The following RTN1 variants were observed in gnomAD, a reference collection of about 807,000 sequenced individuals.
RTN1 encodes reticulon 1.
A neutral mutation model predicts 65.5 loss-of-function variants in RTN1; 25 were observed. The ratio of observed to expected loss-of-function variants is 0.38; its 90% confidence interval spans 0.28 to 0.53. The LOEUF (loss-of-function observed/expected upper bound fraction) is 0.53, where lower values mean the gene tolerates loss of function less well. Ranked by LOEUF, RTN1 falls within the 20% of genes least tolerant of loss-of-function variation. RTN1 has a pLI of 0.79. For synonymous variants in RTN1, 471 were observed against 447.6 expected, an observed-to-expected ratio of 1.05 and a Z score of -0.66; for missense variants, 983 against 1,025.4, an observed-to-expected ratio of 0.96 and a Z score of 0.57.
chr14:59,749,532 TCTATCTATATATATTTATATAG>T (rs1566712101), intron 1 of RTN1, among the ~76,000 whole-genome samples: 5 of 60,590 alleles, frequency 8.3e-5, no homozygotes, highest in African/African-American at 4.7e-4. Flanking sequence ...TTTATATATA[TCTATCTATATATATTTATATAG>T]ATATCTATAT....
chr14:59,802,963 A>G (rs995627340), intron 1 of RTN1, among the ~76,000 whole-genome samples: 1 of 152,042 alleles, frequency 6.6e-6, no homozygotes, highest in Non-Finnish European at 1.5e-5. Context: ...TAGAGAATTT[A>G]CAGGTGACAT....
At chr14:59,687,318 C>A (rs1883867402) in intron 3 of RTN1, among the ~76,000 whole-genome samples, 1 of 152,012 alleles carries the variant, frequency 6.6e-6, no homozygotes, top group South Asian at 2.1e-4. Context: ...GCAGAAGGAC[C>A]CTCTCCACTC....
chr14:59,655,555 C>A (rs149244592), intron 3 of RTN1, among the ~76,000 whole-genome samples: 5 of 152,308 alleles, frequency 3.3e-5, no homozygotes, highest in Non-Finnish European at 7.4e-5. Context: ...CCTCATACTC[C>A]TTGGTTTCAA....
intron 1 of RTN1, among the ~76,000 whole-genome samples, chr14:59,811,824 C>G (rs1166873906): frequency 2.0e-5 from 3 of 152,160 alleles, no homozygotes; most frequent in Non-Finnish European, 4.4e-5. Context: ...ACGTGAACAA[C>G]TGAAGCAGCG....
chr14:59,820,049 C>G (rs914229501), intron 1 of RTN1, among the ~76,000 whole-genome samples: 2 of 152,214 alleles, frequency 1.3e-5, no homozygotes, highest in Non-Finnish European at 2.9e-5. Flanking sequence ...ACGCCAAGGC[C>G]GAGGAGGCGC....
intron 1 of RTN1, among the ~76,000 whole-genome samples, chr14:59,759,833 T>A (rs1284474566): frequency 2.0e-5 from 3 of 151,976 alleles, no homozygotes; most frequent in South Asian, 2.1e-4. Flanking sequence ...TTGAAAAAAA[T>A]TCAAAAGAGT....
At chr14:59,676,113 C>T (rs1420772373) in intron 3 of RTN1, among the ~76,000 whole-genome samples, 1 of 152,188 alleles carries the variant, frequency 6.6e-6, no homozygotes, top group South Asian at 2.1e-4. Flanking sequence ...TAGTGACTGA[C>T]ATATGGCAGA....
chr14:59,669,124 T>C (rs941942623), intron 3 of RTN1, among the ~76,000 whole-genome samples: 8 of 152,188 alleles, frequency 5.3e-5, no homozygotes, highest in African/African-American at 1.7e-4. Flanking sequence ...CAAAGGATTA[T>C]AAATCATGCT....
chr14:59,763,783 G>A (rs905636227), intron 1 of RTN1, among the ~76,000 whole-genome samples: 13 of 151,916 alleles, frequency 8.6e-5, no homozygotes, highest in Non-Finnish European at 1.6e-4. Flanking sequence ...CACCTGCCTC[G>A]GCCTCCCAAA....
chr14:59,682,008 T>C (rs565768364), intron 3 of RTN1, among the ~76,000 whole-genome samples: 1 of 152,318 alleles, frequency 6.6e-6, no homozygotes, highest in South Asian at 2.1e-4. Context: ...GAGAAATCTT[T>C]CTAAACATAA....
At chr14:59,705,584 G>A (rs946901839) in intron 3 of RTN1, among the ~76,000 whole-genome samples, 2 of 152,154 alleles carry the variant, frequency 1.3e-5, no homozygotes, top group South Asian at 4.1e-4. Context: ...TCATTATTTT[G>A]CTAATGTTTC....
At chr14:59,822,383 A>G (rs796772589) in intron 1 of RTN1, among the ~76,000 whole-genome samples, 46 of 152,168 alleles carry the variant, frequency 3.0e-4, no homozygotes, top group African/African-American at 9.9e-4. Flanking sequence ...TGATATGTTT[A>G]TTTGGATCTT....
intron 1 of RTN1, among the ~76,000 whole-genome samples, chr14:59,815,859 C>G (rs1886811770): frequency 6.6e-6 from 1 of 152,162 alleles, no homozygotes; most frequent in Non-Finnish European, 1.5e-5. Flanking sequence ...TCACTGGGCC[C>G]TTGTATATCT....
chr14:59,690,460 TAGACCTACAAA>T (rs1297418276), intron 3 of RTN1, among the ~76,000 whole-genome samples: 1 of 152,152 alleles, frequency 6.6e-6, no homozygotes, highest in Non-Finnish European at 1.5e-5. Context: ...TAAGTACTTC[TAGACCTACAAA>T]AGACTTAGCC....
chr14:59,601,464 C>T (rs1380374598), intron 8 of RTN1, among the ~76,000 whole-genome samples: 3 of 152,118 alleles, frequency 2.0e-5, no homozygotes, highest in East Asian at 1.9e-4. Context: ...TTTGTCTGCA[C>T]CACTGGGCTA....
At chr14:59,756,665 A>T (rs879708570) in intron 1 of RTN1, among the ~76,000 whole-genome samples, 1 of 152,304 alleles carries the variant, frequency 6.6e-6, no homozygotes, top group Admixed American at 6.5e-5. Flanking sequence ...ATTTCCAAAG[A>T]GAAAAATAAT....
intron 3 of RTN1, among the ~76,000 whole-genome samples, chr14:59,641,955 C>T (rs1882790745): frequency 6.6e-6 from 1 of 152,162 alleles, no homozygotes; most frequent in Non-Finnish European, 1.5e-5. Flanking sequence ...TCCTGTCATA[C>T]CATTCATACC....
rs531653697 is a variant in RTN1 at position 59,797,142 on chromosome 14, T to C, written c.242-50661A>G. The stretch of plus-strand genomic sequence containing the variant: ...ATGATTCCTTTGGAAGATTTATTAT[T>C]TATTTTCTATGAAGCAGTTTGAGCT... On this transcript the variant is annotated intron_variant, in intron 1 of 8. Transcript: ENST00000267484. Among the ~76,000 whole-genome samples the C allele has an allele frequency of 4.5e-4, 68 of 152,330 alleles. 2 individuals carry two copies. The South Asian group carries it at 0.014, about 32-fold the overall frequency.
chr14:59,727,002 T>G lies in RTN1; in HGVS notation c.1682A>C (p.Asn561Thr), dbSNP rs758358192. Residue 561 changes from asparagine (N) to threonine (T), a missense_variant, in exon 3 of 9, where the codon AAC becomes ACC. This residue lies in a region of RTN1 where 818 missense variants were observed against 801.8 expected (regional missense o/e 1.02). Transcript: ENST00000267484. The surrounding 1 kb of genome is among the most constrained non-coding windows in gnomAD (Gnocchi z 4.2). ...PRKPEEDSSS[N>T]QSPAATKGPG... is the part of the protein sequence containing the mutation. The stretch of plus-strand genomic sequence containing the variant: ...GCCCTTTGTGGCCGCAGGACTTTGG[T>G]TGGAACTCGAGTCTTCTTCAGGCTT... 1.2e-6 allele frequency: 2 copies of G among 1,613,270 alleles called. No individual in the cohort carries two copies. Among genetic ancestry groups the G allele is most frequent in the African/African-American group, 1.3e-5 (1 of 74,864 alleles).
Sources: allele counts gnomAD v4.1 joint callset (sites outside exome capture counted in the v4.1 genomes callset), GRCh38; gene constraint gnomAD v4.1.1; regional missense constraint gnomAD v4.1.1; non-coding constraint Gnocchi (gnomAD v3.1); transcripts MANE v1.5; gene names NCBI Gene and HGNC (gene_info 2026-07-23, HGNC 2026-07-21).